Variants in CTNNA3 observed in about 807,000 individuals in gnomAD.
CTNNA3 encodes the protein catenin alpha-3.
A neutral mutation model predicts 95.7 loss-of-function variants in CTNNA3; 76 were observed. The ratio of observed to expected loss-of-function variants is 0.79; its 90% CI spans 0.66 to 0.96. CTNNA3 has a LOEUF of 0.96. Among genes scored for constraint, CTNNA3 ranks in the 40% least tolerant of loss-of-function variants. CTNNA3 has a pLI of 0.00. For synonymous variants in CTNNA3, 431 were observed against 374.4 expected (o/e 1.15, Z -1.74); for missense variants, 1,191 against 1,089.8 (o/e 1.09, Z -1.31).
rs557664556 is a variant in CTNNA3, at chr10:67,328,260, C to G, written c.580-108390G>C. On this transcript the variant is annotated intron_variant, in intron 5 of 17. Coordinates refer to ENST00000433211, the MANE Select transcript of CTNNA3 (RefSeq NM_013266.4). The stretch of plus-strand genomic sequence containing the variant: ...GCTGGAGCTCTCTACCAGTCAGGCA[C>G]AATCTGCCAGTGCAGAAGCTATGGT... Among the ~76,000 whole-genome samples the G allele has an allele frequency of 7.7e-4, 118 of 152,300 alleles. 1 individual carries two copies. The highest frequency in any genetic ancestry group is 2.7e-3 in the African/African-American group (114 of 41,570).
intron 13 of CTNNA3, among the ~76,000 whole-genome samples, chr10:66,220,058 G>A (rs1421002427): frequency 6.6e-6 from 1 of 152,110 alleles, no homozygotes; most frequent in Non-Finnish European, 1.5e-5. Flanking sequence ...GGGAGGCAGA[G>A]GTTGCAGTGA....
intron 15 of CTNNA3, among the ~76,000 whole-genome samples, chr10:66,019,269 T>C (rs2079152958): frequency 2.6e-5 from 4 of 152,204 alleles, no homozygotes; most frequent in African/African-American, 9.6e-5. Context: ...TAAATGTCTA[T>C]GTTTTATAAA....
chr10:66,113,971 AG>A (rs772192213), intron 13 of CTNNA3, among the ~76,000 whole-genome samples: 25 of 152,044 alleles, frequency 1.6e-4, no homozygotes, highest in Non-Finnish European at 2.9e-4. Flanking sequence ...TAAGAGCAGT[AG>A]TGGGGGGAAT....
chr10:66,526,131 T>G (rs1841249804), intron 10 of CTNNA3, among the ~76,000 whole-genome samples: 1 of 152,190 alleles, frequency 6.6e-6, no homozygotes, highest in Non-Finnish European at 1.5e-5. Context: ...AAATGCCTGC[T>G]CAAGTCTTGG....
intron 11 of CTNNA3, among the ~76,000 whole-genome samples, chr10:66,496,810 C>T (rs72637081): frequency 0.082 from 12,507 of 152,176 alleles, 1,204 homozygotes; most frequent in East Asian, 0.32. Context: ...ACTAGTTTGT[C>T]AGTGCATTCA....
intron 13 of CTNNA3, among the ~76,000 whole-genome samples, chr10:66,193,959 T>G (rs2086814698): frequency 6.6e-6 from 1 of 152,164 alleles, no homozygotes; most frequent in South Asian, 2.1e-4. Context: ...TGAATATAAT[T>G]ATAATATAAC....
intron 3 of CTNNA3, among the ~76,000 whole-genome samples, chr10:67,556,128 T>C (rs1339475412): frequency 6.6e-6 from 1 of 152,176 alleles, no homozygotes; most frequent in East Asian, 1.9e-4. Context: ...TGGATAAGCT[T>C]TTTGATGTGC....
chr10:66,914,918 C>T (rs1298275561), intron 7 of CTNNA3, among the ~76,000 whole-genome samples: 3 of 152,000 alleles, frequency 2.0e-5, no homozygotes, highest in African/African-American at 7.2e-5. Flanking sequence ...AATCTTCTGA[C>T]ATCTGGCCAA....
chr10:66,673,756 G>T (rs1846747725), intron 9 of CTNNA3, among the ~76,000 whole-genome samples: 1 of 151,926 alleles, frequency 6.6e-6, no homozygotes, highest in Non-Finnish European at 1.5e-5. Context: ...AACATCAAAA[G>T]ACATCTGAAT....
At chr10:66,113,852 A>G (rs1450981789) in intron 13 of CTNNA3, among the ~76,000 whole-genome samples, 1 of 152,152 alleles carries the variant, frequency 6.6e-6, no homozygotes, top group Admixed American at 6.6e-5. Context: ...ATGTAGGATG[A>G]TGTGAGGGTT....
intron 7 of CTNNA3, among the ~76,000 whole-genome samples, chr10:66,817,582 C>G (rs1334835621): frequency 6.6e-6 from 1 of 151,806 alleles, no homozygotes; most frequent in Non-Finnish European, 1.5e-5. Flanking sequence ...ACAGACAATT[C>G]CTAGAAACTA....
chr10:66,269,886 G>T (rs895707913), intron 13 of CTNNA3, among the ~76,000 whole-genome samples: 1 of 152,096 alleles, frequency 6.6e-6, no homozygotes, highest in Non-Finnish European at 1.5e-5. Flanking sequence ...ACACGGATCC[G>T]ACTTTGCAGA....
At chr10:67,750,054 C>A (rs1841397005) in intron 1 of CTNNA3, among the ~76,000 whole-genome samples, 1 of 152,166 alleles carries the variant, frequency 6.6e-6, no homozygotes. Flanking sequence ...TCCGCGGGCT[C>A]ATTTTGAAGT....
intron 11 of CTNNA3, among the ~76,000 whole-genome samples, chr10:66,425,883 G>A (rs995180141): frequency 1.6e-4 from 24 of 152,072 alleles, no homozygotes; most frequent in Admixed American, 2.6e-4. Context: ...AAGCTCCTTC[G>A]TTCCCCATAC....
intron 3 of CTNNA3, among the ~76,000 whole-genome samples, chr10:67,546,298 A>T (rs561627478): frequency 1.3e-4 from 20 of 152,024 alleles, no homozygotes; most frequent in African/African-American, 3.9e-4. Flanking sequence ...AACCCAATTA[A>T]TTTTTTGTAT....
intron 15 of CTNNA3, among the ~76,000 whole-genome samples, chr10:66,060,129 G>T (rs551739797): frequency 1.3e-5 from 2 of 152,008 alleles, no homozygotes; most frequent in Non-Finnish European, 2.9e-5. Flanking sequence ...TATACCTAGA[G>T]CCTGTCTTCT....
intron 7 of CTNNA3, among the ~76,000 whole-genome samples, chr10:66,938,275 A>G (rs1178779868): frequency 6.6e-6 from 1 of 152,140 alleles, no homozygotes; most frequent in Non-Finnish European, 1.5e-5. Context: ...TGTGAGGGTC[A>G]AGAGAACAAA....
intron 15 of CTNNA3, among the ~76,000 whole-genome samples, chr10:65,998,482 A>C (rs1015343505): frequency 2.0e-5 from 3 of 152,022 alleles, no homozygotes; most frequent in Non-Finnish European, 4.4e-5. Flanking sequence ...GTCTTACCAC[A>C]CTGAATTTCT....
At position 66,982,465 on chromosome 10, in the gene CTNNA3, G is replaced by A. The variant is rs115038775; in HGVS notation, c.1047+197852C>T. Among the ~76,000 whole-genome samples, 888 of 152,234 alleles carry A rather than the reference G, an allele frequency of 5.8e-3. 11 individuals are homozygous for A. The highest frequency in any genetic ancestry group is 0.02 in the African/African-American group (849 of 41,546). ...ACACTTCTTGAGAAGATAATTTGAT[G>A]TAAAGCACCCAGGACAATGTTTGGT... On this transcript the variant is annotated intron_variant, in intron 7 of 17. Transcript: ENST00000433211.
Sources: gnomAD v4.1 joint callset for allele counts (sites outside exome capture counted in the v4.1 genomes callset) on GRCh38, gnomAD v4.1.1 for gene constraint, MANE v1.5 for transcripts, NCBI Gene and HGNC (gene_info 2026-07-23, HGNC 2026-07-21) for gene names.